The following VPS39 variants were observed in gnomAD, a reference collection of about 807,000 sequenced individuals.
VPS39 encodes vam6/Vps39-like protein.
VPS39 carries 70 observed loss-of-function variants against 121.0 expected under a neutral mutation model. That is an observed-to-expected ratio of 0.58 (90% CI 0.48 to 0.71). The LOEUF (loss-of-function observed/expected upper bound fraction) is 0.71. Among genes scored for constraint, VPS39 ranks in the 30% least tolerant of loss-of-function variants. The pLI is 0.00. For missense variants in VPS39, 818 were observed against 1,051.5 expected (o/e 0.78, Z 3.07); for synonymous variants, 378 against 398.1 (o/e 0.95, Z 0.60).
intron 19 of VPS39, 32 bp from the exon 20 acceptor site, chr15:42,163,760 C>T (rs1174892649): frequency 1.0e-5 from 16 of 1,531,280 alleles, no homozygotes; most frequent in Admixed American, 1.8e-5. Context: ...GGAACCACTG[C>T]CGCCATCACG....
Position 42,178,524 on chromosome 15 carries a change from C to T in VPS39, c.765G>A (p.Glu255=), listed in dbSNP as rs1490410544. Residue 255 remains glutamate (E), a synonymous_variant, in exon 9 of 25, where the codon GAG becomes GAA. Transcript: ENST00000318006. ...YIIAVLPRYV[E]IRTFEPRLLV... is the part of the protein sequence containing the mutation. ...GAAGCCTCGGTTCAAATGTTCGGAT[C>T]TCAACATATCGAGGCAACACTGCAA... The T allele has an allele frequency of 6.2e-7, 1 of 1,614,184 alleles. No individual in the cohort carries two copies. The highest frequency in any genetic ancestry group is 1.1e-5 in the South Asian group (1 of 91,082).
At chr15:42,188,154 C>T (rs972718664) in intron 5 of VPS39, among the ~76,000 whole-genome samples, 42 of 152,194 alleles carry the variant, frequency 2.8e-4, no homozygotes, top group African/African-American at 9.6e-4. Flanking sequence ...TATATAACTC[C>T]TCCCTCCTTT....
chr15:42,181,509 T>A (rs2049579658), intron 8 of VPS39, among the ~76,000 whole-genome samples: 1 of 152,208 alleles, frequency 6.6e-6, no homozygotes, highest in Admixed American at 6.5e-5. Context: ...ACCACTTAAC[T>A]GTACACTTAA....
Position 42,164,456 on chromosome 15 carries a change from T to A in VPS39, c.1928A>T (p.Glu643Val). ...TTGCCGGTATTCTCCCAGCTCACCC[T>A]CTTCCTCTCCAGCTGGGACTGGGGT... Reference protein sequence around the residue: ...GKTPVPAGEEEGELGEYRQKL... With the variant: ...GKTPVPAGEEVGELGEYRQKL... The change falls in exon 19 of 25, where the codon GAG (glutamate) becomes GTG (valine). Residue 643 changes from glutamate (E) to valine (V), a missense_variant. By Grantham distance (121) the Glu-to-Val change is moderately radical. Coordinates refer to ENST00000318006, the MANE Select transcript of VPS39 (RefSeq NM_015289.5). 2 of 1,614,068 alleles carry A rather than the reference T, an allele frequency of 1.2e-6. No homozygotes were observed. Among genetic ancestry groups the A allele is most frequent in the African/African-American group, 1.3e-5 (1 of 75,076 alleles).
In VPS39 at chr15:42,191,335, G is replaced by A. The variant is rs2049824065; in HGVS notation, c.204+161C>T. 3 of 1,078,102 alleles carry A rather than the reference G, an allele frequency of 2.8e-6. No individual in the cohort carries two copies. In the South Asian group the frequency reaches 4.5e-5, roughly 16 times the overall value. The allele number at this position is 1,078,102 out of a possible 1,614,324, so 66.8% of individuals were successfully genotyped here. A position where few individuals can be genotyped will look rare whatever the true frequency, so the allele number is the denominator to read the frequency against. ...CTGTGATTATCATTTCTGCTTGTGA[G>A]AGAGGATCTCAGGCACATGATATAT... On this transcript the variant is annotated intron_variant, in intron 3 of 24. Coordinates refer to ENST00000318006, the MANE Select transcript of VPS39 (RefSeq NM_015289.5).
chr15:42,165,884 T>A, intron 16 of VPS39, 68 bp from the exon 17 acceptor site: 1 of 1,446,952 alleles, frequency 6.9e-7, no homozygotes, highest in Middle Eastern at 1.8e-4. Context: ...CACACACGCA[T>A]GTGAGCGCAG....
chr15:42,203,306 TA>T (rs1172591005), intron 1 of VPS39, among the ~76,000 whole-genome samples: 2 of 151,870 alleles, frequency 1.3e-5, no homozygotes, highest in Non-Finnish European at 2.9e-5. Context: ...CCATCTCTAC[TA>T]AAAATACAAA....
intron 2 of VPS39, chr15:42,199,565 C>A (rs1245740636): frequency 2.2e-6 from 1 of 464,216 alleles, no homozygotes; most frequent in East Asian, 7.6e-5. Context: ...GAAGCTTATG[C>A]CCATTAGTAG....
chr15:42,192,221 T>C, intron 2 of VPS39: 3 of 915,718 alleles, frequency 3.3e-6, no homozygotes, highest in Non-Finnish European at 5.1e-6. Flanking sequence ...ATAATTATCA[T>C]CATCATCATC....
At chr15:42,197,864 A>T (rs2049977075) in intron 2 of VPS39, among the ~76,000 whole-genome samples, 1 of 152,170 alleles carries the variant, frequency 6.6e-6, no homozygotes, top group Non-Finnish European at 1.5e-5. Flanking sequence ...CCTAGAACTA[A>T]TTCACACGGG....
chr15:42,192,691 G>GA (rs1053666815), intron 2 of VPS39, among the ~76,000 whole-genome samples: 22 of 150,194 alleles, frequency 1.5e-4, no homozygotes, highest in African/African-American at 4.1e-4. Context: ...CATTTCATGA[G>GA]AAAAAAAAAC....
chr15:42,208,268 C>T lies in VPS39; in HGVS notation c.-115G>A, dbSNP rs1371669409. On this transcript the variant is annotated 5_prime_UTR_variant, in exon 1 of 25. The change abolishes the stop of an existing upstream ORF in the 5' untranslated region. Coordinates refer to ENST00000318006, the MANE Select transcript of VPS39 (RefSeq NM_015289.5). ...CGGGATCCGGCCAGGAACCCCCCGGCTACAGGCCCTTCAACAACACAGCCA... is the reference window on the plus strand; with the variant it reads ...CGGGATCCGGCCAGGAACCCCCCGGTTACAGGCCCTTCAACAACACAGCCA... 3 of 1,357,266 alleles carry T rather than the reference C, an allele frequency of 2.2e-6. No individual in the cohort carries two copies. Among genetic ancestry groups the T allele is most frequent in the Non-Finnish European group, 3.0e-6 (3 of 995,558 alleles). 84.1% of individuals were successfully genotyped at this position (1,357,266 alleles called of 1,614,324 possible).
chr15:42,168,003 C>T (rs976478744), intron 12 of VPS39, among the ~76,000 whole-genome samples: 1 of 152,176 alleles, frequency 6.6e-6, no homozygotes, highest in African/African-American at 2.4e-5. Flanking sequence ...ATGTAACCAC[C>T]TCAGTGAAGG....
In VPS39 at chr15:42,162,355, G is replaced by A; in HGVS notation, c.2302C>T (p.His768Tyr). 6.2e-7 allele frequency: 1 copy of A among 1,612,894 alleles called. No individual in the cohort carries two copies. Among genetic ancestry groups the A allele is most frequent in the South Asian group, 1.1e-5 (1 of 90,870 alleles). The change falls in exon 22 of 25, where the codon CAC becomes TAC. Residue 768 changes from histidine to tyrosine, a missense_variant. Coordinates refer to ENST00000318006, the MANE Select transcript of VPS39 (RefSeq NM_015289.5). ...ACCTTGGTGGTGTCCAGTTTGCTGT[G>A]GTGTAGCTCGAGGACCTGCAGAGCG... is the stretch of plus-strand genomic sequence containing the variant. The part of the protein sequence containing the change: ...QAALQVLELH[H>Y]SKLDTTKALN...
chr15:42,203,400 G>A (rs369999985), intron 1 of VPS39, among the ~76,000 whole-genome samples: 29 of 152,034 alleles, frequency 1.9e-4, no homozygotes, highest in South Asian at 4.2e-4. Context: ...CATGAACCCC[G>A]GAGGGAGAGG....
chr15:42,194,792 G>T (rs914338694), intron 2 of VPS39, among the ~76,000 whole-genome samples: 1 of 152,034 alleles, frequency 6.6e-6, no homozygotes, highest in Admixed American at 6.6e-5. Context: ...ATGACCATCA[G>T]TACAGCTTGG....
At position 42,191,124 on chromosome 15, in the gene VPS39, C is replaced by T. The variant is rs1180232063; in HGVS notation, c.247+1G>A. The T allele has an allele frequency of 1.2e-6, 2 of 1,614,030 alleles. No individual in the cohort carries two copies. The highest frequency in any genetic ancestry group is 1.7e-5 in the Admixed American group (1 of 60,022). ...GATACAAATGCAACTCCTTTTCTTA[C>T]CTAACAAGCTGACCAGAATCTTAAA... On this transcript the variant is annotated splice_donor_variant, in intron 4 of 24. Coordinates refer to ENST00000318006, the MANE Select transcript of VPS39 (RefSeq NM_015289.5). LOFTEE classifies it high-confidence loss of function.
At chr15:42,179,469 C>T (rs991961712) in intron 8 of VPS39, among the ~76,000 whole-genome samples, 5 of 150,326 alleles carry the variant, frequency 3.3e-5, no homozygotes, top group African/African-American at 9.8e-5. Flanking sequence ...CCCAGCTACT[C>T]GGGAGGCTGA....
chr15:42,197,076 A>G (rs542027505), intron 2 of VPS39, among the ~76,000 whole-genome samples: 6 of 151,120 alleles, frequency 4.0e-5, no homozygotes, highest in African/African-American at 1.5e-4. Context: ...TTGCAAGGAC[A>G]AAAAAACCAA....
Sources: allele counts gnomAD v4.1 joint callset (sites outside exome capture counted in the v4.1 genomes callset), GRCh38; gene constraint gnomAD v4.1.1; transcripts MANE v1.5; gene names NCBI Gene and HGNC (gene_info 2026-07-23, HGNC 2026-07-21).